The following RRP1B variants were observed in gnomAD, a reference collection of about 807,000 sequenced individuals.
RRP1B encodes ribosomal RNA processing 1B.
A neutral mutation model predicts 80.2 loss-of-function variants in RRP1B; 56 were observed. The observed-to-expected ratio is 0.70, with a 90% CI of 0.56 to 0.87. RRP1B has a LOEUF of 0.87. Ranked by LOEUF, RRP1B falls within the 40% of genes least tolerant of loss-of-function variation. The pLI is 0.00. For missense variants in RRP1B, 807 were observed against 939.8 expected, an observed-to-expected ratio of 0.86 and a Z score of 1.85; for synonymous variants, 351 against 357.6, an observed-to-expected ratio of 0.98 and a Z score of 0.21.
chr21:43,688,046 G>A lies in RRP1B; in HGVS notation c.1672G>A (p.Ala558Thr). 2 of 1,612,026 alleles carry A rather than the reference G, an allele frequency of 1.2e-6. No individual in the cohort carries two copies. Among genetic ancestry groups the A allele is most frequent in the Non-Finnish European group, 1.7e-6 (2 of 1,179,430 alleles). The change falls in exon 13 of 16, where the codon GCG becomes ACG. Residue 558 changes from alanine to threonine, a missense_variant. Transcript: ENST00000340648. ...CCCTCCCACAGGCCCCGCAGAGGGG[G>A]CGAACAGCCACACCACGCTGCCCCA... ...EGPPTGPAEG[A>T]NSHTTLPQRR...
At chr21:43,692,480 T>C (rs190022605) in intron 15 of RRP1B, among the ~76,000 whole-genome samples, 43 of 152,032 alleles carry the variant, frequency 2.8e-4, no homozygotes, top group African/African-American at 9.6e-4. Flanking sequence ...GCACCTGTAG[T>C]CTCAGCTGCT....
rs185231799 is a variant in RRP1B at position 43,686,435 on chromosome 21, G to A, written c.1010-369G>A. On this transcript the variant is annotated intron_variant, in intron 11 of 15. Coordinates refer to ENST00000340648, the MANE Select transcript of RRP1B (RefSeq NM_015056.3). ...GGTCCCCCCGGGAAAGGCTGATGCT[G>A]TAAGCTTTGTTACATTTGGACAAGT... 1.6e-4 allele frequency: 31 copies of A among 195,040 alleles called. 1 individual carries two copies. The highest frequency in any genetic ancestry group is 9.8e-4 in the East Asian group (8 of 8,154). The allele number at this position is 195,040 out of a possible 1,614,324, so 12.1% of individuals were successfully genotyped here.
At chr21:43,672,772 A>G (rs3819161) in intron 3 of RRP1B, among the ~76,000 whole-genome samples, 113,147 of 152,078 alleles carry the variant, frequency 0.74, 43,464 homozygotes, top group African/African-American at 0.93. Flanking sequence ...ATAGAGAAAA[A>G]AAATTAGTTA....
At chr21:43,678,900 C>T (rs987445301) in intron 8 of RRP1B, among the ~76,000 whole-genome samples, 1 of 152,132 alleles carries the variant, frequency 6.6e-6, no homozygotes, top group Admixed American at 6.6e-5. Context: ...GGTTTCAGGT[C>T]TTATATTTAA....
At chr21:43,667,593 T>C (rs1270605069) in intron 1 of RRP1B, among the ~76,000 whole-genome samples, 9 of 152,312 alleles carry the variant, frequency 5.9e-5, no homozygotes, top group East Asian at 1.9e-4. Context: ...CTATTTATGA[T>C]CCTTGCCCAA....
Position 43,691,344 on chromosome 21 carries a change from C to A in RRP1B, c.2020-95C>A. 8.8e-7 allele frequency: 1 copy of A among 1,131,250 alleles called. No homozygotes were observed. Among genetic ancestry groups the A allele is most frequent in the Non-Finnish European group, 1.3e-6 (1 of 761,062 alleles). 70.1% of individuals were successfully genotyped at this position (1,131,250 alleles called of 1,614,324 possible). Reference sequence around the variant, plus strand: ...ACTCAGTAAGCAGCAGTGTGGGCGGCATACCCTCCAGGGCAGGTTCTCCAG... The same window carrying A: ...ACTCAGTAAGCAGCAGTGTGGGCGGAATACCCTCCAGGGCAGGTTCTCCAG... On this transcript the variant is annotated intron_variant, in intron 14 of 15. Coordinates refer to ENST00000340648, the MANE Select transcript of RRP1B (RefSeq NM_015056.3). The surrounding 1 kb of genome is among the most constrained non-coding windows in gnomAD (Gnocchi z 4.2).
At chr21:43,689,972 G>T (rs566349943) in intron 13 of RRP1B, among the ~76,000 whole-genome samples, 1 of 152,282 alleles carries the variant, frequency 6.6e-6, no homozygotes, top group Non-Finnish European at 1.5e-5. Context: ...ACAAATGGGA[G>T]AGTCGATCTT....
rs2083097095 is a variant in RRP1B, at chr21:43,693,930, A to G, written c.*547A>G. The G allele has an allele frequency of 1.3e-5, 2 of 152,564 alleles. No homozygotes were observed. Among genetic ancestry groups the G allele is most frequent in the South Asian group, 4.1e-4 (2 of 4,842 alleles). 9.5% of individuals were successfully genotyped at this position (152,564 alleles called of 1,614,324 possible). On this transcript the variant is annotated 3_prime_UTR_variant, in exon 16 of 16. Transcript: ENST00000340648. This position sits in a 1 kb window ranked among gnomAD's most constrained non-coding sequence, Gnocchi z 4.1. The stretch of plus-strand genomic sequence containing the variant: ...TTCTTGTCACAGAATCAGCAATACC[A>G]TAGTTTTTCTACATGTGCTCAGCTG...
At position 43,684,618 on chromosome 21, in the gene RRP1B, C is replaced by T; in HGVS notation, c.957C>T (p.Phe319=). The change falls in exon 10 of 16, where the codon TTC becomes TTT. Residue 319 remains phenylalanine (F), a synonymous_variant. Coordinates refer to ENST00000340648, the MANE Select transcript of RRP1B (RefSeq NM_015056.3). ...EMTSRKNTPH[F]NRKRLSKLIK... ...CCAGCAGGAAGAACACGCCCCACTT[C>T]AACAGGAAGCGCCTCTCCAAACTCA... 1 of 1,614,168 alleles carries T rather than the reference C, an allele frequency of 6.2e-7. No individual in the cohort carries two copies. Among genetic ancestry groups the T allele is most frequent in the Non-Finnish European group, 8.5e-7 (1 of 1,180,026 alleles).
chr21:43,662,003 G>A (rs1298078745), intron 1 of RRP1B, among the ~76,000 whole-genome samples: 2 of 152,180 alleles, frequency 1.3e-5, no homozygotes, highest in East Asian at 3.8e-4. Context: ...GTAGCACTTA[G>A]CTACATTGCT....
chr21:43,686,692 G>T, intron 11 of RRP1B, 112 bp from the exon 12 acceptor site: 8 of 1,256,912 alleles, frequency 6.4e-6, no homozygotes. Context: ...TGGGAGAAAC[G>T]GTGAGGAACG....
intron 9 of RRP1B, 45 bp from the exon 10 acceptor site, chr21:43,684,508 T>A: frequency 6.5e-7 from 1 of 1,527,358 alleles, no homozygotes; most frequent in Admixed American, 1.7e-5. Context: ...AGTCAGGCAG[T>A]GTTGTTTGGC....
intron 1 of RRP1B, among the ~76,000 whole-genome samples, chr21:43,665,200 T>G (rs1162863189): frequency 1.3e-5 from 2 of 152,256 alleles, no homozygotes; most frequent in Non-Finnish European, 2.9e-5. Flanking sequence ...AATGGTATAC[T>G]TACAAAACCA....
chr21:43,671,955 A>G (rs770342191), intron 2 of RRP1B, among the ~76,000 whole-genome samples: 7 of 152,076 alleles, frequency 4.6e-5, no homozygotes, highest in Non-Finnish European at 1.0e-4. Context: ...CCAAAGTGCT[A>G]GGATTACAGG....
At chr21:43,670,090 T>G (rs2082993770) in intron 2 of RRP1B, 124 bp downstream of exon 2, 1 of 554,512 alleles carries the variant, frequency 1.8e-6, no homozygotes, top group East Asian at 3.0e-5. Context: ...CTTCAAGGAG[T>G]CATTTTCGTA....
intron 8 of RRP1B, among the ~76,000 whole-genome samples, chr21:43,681,774 AGACCTT>A (rs995416338): frequency 1.3e-5 from 2 of 152,164 alleles, no homozygotes; most frequent in African/African-American, 4.8e-5. Flanking sequence ...CAACATAACA[AGACCTT>A]GACTTTACAA....
rs147734499 is a variant in RRP1B, at chr21:43,691,201, C to G, written c.2020-238C>G. Among the ~76,000 whole-genome samples, 3 of 152,284 alleles carry G rather than the reference C, an allele frequency of 2.0e-5. No individual in the cohort carries two copies. Among genetic ancestry groups the G allele is most frequent in the Admixed American group, 6.5e-5 (1 of 15,298 alleles). ...GAGTGTGGGCACCACTGACCCTGGG[C>G]TGGGGGGTTGCGTGTGTGGGACGCT... On this transcript the variant is annotated intron_variant, in intron 14 of 15. Coordinates refer to ENST00000340648, the MANE Select transcript of RRP1B (RefSeq NM_015056.3). This position sits in a 1 kb window ranked among gnomAD's most constrained non-coding sequence, Gnocchi z 4.2.
At chr21:43,665,982 G>A (rs2082976798) in intron 1 of RRP1B, among the ~76,000 whole-genome samples, 1 of 152,218 alleles carries the variant, frequency 6.6e-6, no homozygotes, top group Admixed American at 6.5e-5. Flanking sequence ...AAGGACCCAG[G>A]TTACTGCATG....
chr21:43,681,559 T>A (rs980819097), intron 8 of RRP1B, among the ~76,000 whole-genome samples: 9 of 152,142 alleles, frequency 5.9e-5, no homozygotes, highest in Admixed American at 1.3e-4. Flanking sequence ...GGTCTCGAAC[T>A]CCCGACCTCA....
Sources: allele counts gnomAD v4.1 joint callset (sites outside exome capture counted in the v4.1 genomes callset), GRCh38; gene constraint gnomAD v4.1.1; non-coding constraint Gnocchi (gnomAD v3.1); transcripts MANE v1.5; gene names NCBI Gene and HGNC (gene_info 2026-07-23, HGNC 2026-07-21).